The following HS3ST5 variants were observed in gnomAD, a reference collection of about 807,000 sequenced individuals.
HS3ST5 encodes heparan sulfate-glucosamine 3-sulfotransferase 5, also known as heparan sulfate glucosamine 3-O-sulfotransferase 5.
A neutral mutation model predicts 25.4 loss-of-function variants in HS3ST5; 10 were observed. The ratio of observed to expected loss-of-function variants is 0.39; its 90% CI spans 0.24 to 0.67. The LOEUF (loss-of-function observed/expected upper bound fraction) is 0.67. Among genes scored for constraint, HS3ST5 ranks in the 30% least tolerant of loss-of-function variants. The pLI is 0.44. For synonymous variants in HS3ST5, 170 were observed against 162.4 expected, an observed-to-expected ratio of 1.05 and a Z score of -0.36; for missense variants, 324 against 420.7, an observed-to-expected ratio of 0.77 and a Z score of 2.01.
intron 3 of HS3ST5, among the ~76,000 whole-genome samples, chr6:114,120,714 C>T (rs563474318): frequency 8.6e-5 from 13 of 151,942 alleles, no homozygotes; most frequent in African/African-American, 2.9e-4. Context: ...AAATACTTAA[C>T]AGAGAAAAAA....
At chr6:114,244,981 G>A (rs1772313986) in intron 1 of HS3ST5, among the ~76,000 whole-genome samples, 1 of 152,162 alleles carries the variant, frequency 6.6e-6, no homozygotes. Flanking sequence ...AGTAAAATTT[G>A]AAAACATACA....
intron 1 of HS3ST5, chr6:114,281,892 C>A (rs192029033): frequency 7.2e-5 from 11 of 152,028 alleles, no homozygotes; most frequent in African/African-American, 2.6e-4. Context: ...GTAGGAAGTG[C>A]ACTCGAGGGG....
intron 1 of HS3ST5, among the ~76,000 whole-genome samples, chr6:114,330,206 T>C (rs545738501): frequency 4.6e-4 from 70 of 152,254 alleles, no homozygotes; most frequent in African/African-American, 1.6e-3. Flanking sequence ...CTTTAAAAAG[T>C]AGGGTTTATT....
At chr6:114,173,353 T>A (rs1378645862) in intron 2 of HS3ST5, among the ~76,000 whole-genome samples, 4 of 152,114 alleles carry the variant, frequency 2.6e-5, no homozygotes, top group Non-Finnish European at 4.4e-5. Flanking sequence ...ACAAAGAAAT[T>A]AAAAATGAGT....
At chr6:114,257,148 A>T (rs539155301) in intron 1 of HS3ST5, among the ~76,000 whole-genome samples, 1 of 152,358 alleles carries the variant, frequency 6.6e-6, no homozygotes, top group African/African-American at 2.4e-5. Flanking sequence ...TGTGGGAATT[A>T]TGGAAACTAC....
At chr6:114,301,030 C>T (rs1254089925) in intron 1 of HS3ST5, among the ~76,000 whole-genome samples, 4 of 152,040 alleles carry the variant, frequency 2.6e-5, no homozygotes, top group African/African-American at 9.7e-5. Flanking sequence ...GTGACTCTAA[C>T]GGGTGCAGGG....
chr6:114,200,600 A>G (rs561692385), intron 2 of HS3ST5, among the ~76,000 whole-genome samples: 4 of 152,284 alleles, frequency 2.6e-5, no homozygotes, highest in Admixed American at 6.5e-5. Flanking sequence ...TCAAAATACT[A>G]TACATGTTTG....
At chr6:114,330,303 G>A (rs999673962) in intron 1 of HS3ST5, among the ~76,000 whole-genome samples, 4 of 152,118 alleles carry the variant, frequency 2.6e-5, no homozygotes, top group African/African-American at 9.7e-5. Flanking sequence ...CTCCTCCAAT[G>A]CATTCCTAAA....
chr6:114,210,706 G>A (rs933685188), intron 2 of HS3ST5, among the ~76,000 whole-genome samples: 11 of 152,132 alleles, frequency 7.2e-5, no homozygotes, highest in South Asian at 2.1e-4. Context: ...GATATAGCTC[G>A]CTCAGCATTT....
intron 1 of HS3ST5, among the ~76,000 whole-genome samples, chr6:114,244,035 C>T (rs72954581): frequency 0.046 from 6,976 of 152,246 alleles, 180 homozygotes; most frequent in Middle Eastern, 0.075. Context: ...AAAGCTCCAA[C>T]AGGGACAGAG....
chr6:114,248,167 C>T (rs967610111), intron 1 of HS3ST5, among the ~76,000 whole-genome samples: 17 of 149,244 alleles, frequency 1.1e-4, no homozygotes, highest in Non-Finnish European at 1.9e-4. Flanking sequence ...TGCCACTGCA[C>T]TCCAGCCTGG....
At chr6:114,135,035 T>C (rs1213515034) in intron 3 of HS3ST5, among the ~76,000 whole-genome samples, 1 of 152,188 alleles carries the variant, frequency 6.6e-6, no homozygotes, top group Non-Finnish European at 1.5e-5. Flanking sequence ...ACGCTGGTTT[T>C]CTCTATAAAT....
At chr6:114,264,112 CTT>C (rs1261413448) in intron 1 of HS3ST5, among the ~76,000 whole-genome samples, 1 of 152,070 alleles carries the variant, frequency 6.6e-6, no homozygotes, top group African/African-American at 2.4e-5. Flanking sequence ...ACCTTTTAAA[CTT>C]AATATAGTAT....
At chr6:114,196,481 C>T (rs952643347) in intron 2 of HS3ST5, among the ~76,000 whole-genome samples, 2 of 152,042 alleles carry the variant, frequency 1.3e-5, no homozygotes, top group Non-Finnish European at 2.9e-5. Context: ...TTTTAGCTTA[C>T]TTAATTTCTT....
intron 2 of HS3ST5, among the ~76,000 whole-genome samples, chr6:114,195,054 G>T (rs781610590): frequency 2.4e-4 from 36 of 152,268 alleles, no homozygotes; most frequent in Middle Eastern, 3.4e-3. Context: ...AAGAAAGTGG[G>T]CAGGACACAT....
chr6:114,235,068 A>G (rs1321429247), intron 1 of HS3ST5, among the ~76,000 whole-genome samples: 4 of 152,164 alleles, frequency 2.6e-5, no homozygotes, highest in African/African-American at 9.7e-5. Context: ...GGTTGCAGTG[A>G]GCTGAGACTG....
chr6:114,294,307 A>C (rs891698398), intron 1 of HS3ST5, among the ~76,000 whole-genome samples: 6 of 152,218 alleles, frequency 3.9e-5, no homozygotes, highest in African/African-American at 1.4e-4. Flanking sequence ...TGAGGTATTC[A>C]GGCAGAGCCT....
intron 3 of HS3ST5, among the ~76,000 whole-genome samples, chr6:114,107,734 A>G (rs939007337): frequency 4.6e-5 from 7 of 152,240 alleles, no homozygotes; most frequent in South Asian, 2.1e-4. Flanking sequence ...ATGAATTTCA[A>G]TGTCATTGCA....
intron 1 of HS3ST5, among the ~76,000 whole-genome samples, chr6:114,316,666 T>G (rs977247426): frequency 2.0e-5 from 3 of 152,202 alleles, no homozygotes; most frequent in Non-Finnish European, 4.4e-5. Context: ...ACTCTTGGGC[T>G]AACAAAAAAG....
Sources: allele counts gnomAD v4.1 joint callset (sites outside exome capture counted in the v4.1 genomes callset), GRCh38; gene constraint gnomAD v4.1.1; transcripts MANE v1.5; gene names NCBI Gene and HGNC (gene_info 2026-07-23, HGNC 2026-07-21).